Variants in CCDC85A observed in about 807,000 individuals in gnomAD.
CCDC85A encodes the protein coiled-coil domain containing 85A, also known as coiled-coil domain-containing protein 85A.
A neutral mutation model predicts 50.2 loss-of-function variants in CCDC85A; 38 were observed. That is an observed-to-expected ratio of 0.76 (90% CI 0.58 to 0.99). The LOEUF (loss-of-function observed/expected upper bound fraction) is 0.99. Ranked by LOEUF, CCDC85A falls within the 50% of genes least tolerant of loss-of-function variation. The probability of loss-of-function intolerance (pLI) is 0.00; values close to 1 mark genes in which losing one functional copy is unlikely to be tolerated. For synonymous variants in CCDC85A, 366 were observed against 301.4 expected (o/e 1.21, Z -2.22); for missense variants, 820 against 742.0 (o/e 1.11, Z -1.22).
intron 3 of CCDC85A, among the ~76,000 whole-genome samples, chr2:56,367,941 A>G (rs1205723452): frequency 1.1e-5 from 1 of 94,992 alleles, no homozygotes; most frequent in African/African-American, 3.2e-5. Flanking sequence ...TGAGGAAACT[A>G]AGGCACAGAA....
intron 2 of CCDC85A, among the ~76,000 whole-genome samples, chr2:56,231,625 G>A (rs192950497): frequency 6.6e-6 from 1 of 152,098 alleles, no homozygotes; most frequent in African/African-American, 2.4e-5. Context: ...TTTAACTGTA[G>A]ACCAAGGTTT....
Position 56,192,875 on chromosome 2 carries a change from C to G in CCDC85A, c.675C>G (p.His225Gln). The change falls in exon 2 of 6, where the codon CAC becomes CAG. Residue 225 changes from histidine to glutamine, a missense_variant. By Grantham distance (24) the His-to-Gln change is conservative (BLOSUM62 0). Coordinates refer to ENST00000407595, the MANE Select transcript of CCDC85A (RefSeq NM_001080433.2). The surrounding 1 kb of genome is among the most constrained non-coding windows in gnomAD (Gnocchi z 4.7). ...GCAGCACTGACAGCCCGGACCACCA[C>G]AAGCACCACGCGAGCAGTGGCAGCC... Reference protein sequence around the residue: ...STGSTDSPDHHKHHASSGSPE... With the variant: ...STGSTDSPDHQKHHASSGSPE... 6.2e-7 allele frequency: 1 copy of G among 1,613,146 alleles called. No individual in the cohort carries two copies.
intron 2 of CCDC85A, among the ~76,000 whole-genome samples, chr2:56,221,482 G>T (rs1362386592): frequency 6.6e-6 from 1 of 151,692 alleles, no homozygotes; most frequent in Non-Finnish European, 1.5e-5. Flanking sequence ...GTTGAATTTT[G>T]CTTACTAAGA....
intron 2 of CCDC85A, among the ~76,000 whole-genome samples, chr2:56,255,280 A>G (rs1573110640): frequency 6.6e-6 from 1 of 152,202 alleles, no homozygotes; most frequent in African/African-American, 2.4e-5. Flanking sequence ...AATAAAGCAT[A>G]TCAGTGACTA....
At chr2:56,295,804 C>T (rs1349314800) in intron 2 of CCDC85A, among the ~76,000 whole-genome samples, 1 of 152,182 alleles carries the variant, frequency 6.6e-6, no homozygotes, top group East Asian at 1.9e-4. Flanking sequence ...CTCCCTCCCT[C>T]CCCTATCATA....
intron 3 of CCDC85A, among the ~76,000 whole-genome samples, chr2:56,350,471 ATAAAG>A (rs1426260304): frequency 6.6e-6 from 1 of 152,220 alleles, no homozygotes; most frequent in African/African-American, 2.4e-5. Flanking sequence ...CTGTTTTCTA[ATAAAG>A]TAAGGTAACA....
intron 2 of CCDC85A, among the ~76,000 whole-genome samples, chr2:56,240,338 A>C (rs1325813949): frequency 1.3e-5 from 2 of 152,164 alleles, no homozygotes; most frequent in Non-Finnish European, 2.9e-5. Context: ...CGAGTAACTA[A>C]TGGGAAACCT....
chr2:56,214,575 GT>G (rs200767487), intron 2 of CCDC85A, among the ~76,000 whole-genome samples: 1 of 151,670 alleles, frequency 6.6e-6, no homozygotes. Flanking sequence ...ATAATTGTGT[GT>G]TTTTTTTGGA....
At position 56,292,249 on chromosome 2, in the gene CCDC85A, A is replaced by AT. The variant is rs949057566; in HGVS notation, c.1241-50623dup. On this transcript the variant is annotated intron_variant, in intron 2 of 5. Transcript: ENST00000407595. The stretch of plus-strand genomic sequence containing the variant: ...AGGCAACCACTACCACACCTGGCTA[A>AT]TTTTTTTGTATTTTTAGTAGAGACG... Among the ~76,000 whole-genome samples the AT allele has an allele frequency of 1.3e-4, 20 of 151,714 alleles. 1 individual carries two copies. Among genetic ancestry groups the AT allele is most frequent in the Non-Finnish European group, 2.8e-4 (19 of 67,924 alleles).
At chr2:56,356,266 A>C (rs1010026234) in intron 3 of CCDC85A, among the ~76,000 whole-genome samples, 2 of 152,220 alleles carry the variant, frequency 1.3e-5, no homozygotes, top group African/African-American at 4.8e-5. Context: ...AATATTTCTC[A>C]CAAAGAGTTT....
In CCDC85A at chr2:56,228,642, C is replaced by A. The variant is rs963925238; in HGVS notation, c.1240+35202C>A. ...CTGCCTCCCAGGTTCACATCATTCT[C>A]CTGCCTCAGCCTCCCGAGTAGCTGG... is the stretch of plus-strand genomic sequence containing the variant. On this transcript the variant is annotated intron_variant, in intron 2 of 5. Transcript: ENST00000407595. Among the ~76,000 whole-genome samples the A allele has an allele frequency of 2.0e-5, 3 of 152,210 alleles. No homozygotes were observed. In the South Asian group the frequency reaches 6.2e-4, roughly 32 times the overall value.
chr2:56,281,225 C>G (rs1366633492), intron 2 of CCDC85A, among the ~76,000 whole-genome samples: 1 of 152,148 alleles, frequency 6.6e-6, no homozygotes, highest in Non-Finnish European at 1.5e-5. Context: ...TTTCACTGAA[C>G]ATAATGGTTT....
At chr2:56,273,106 C>CA (rs1038975145) in intron 2 of CCDC85A, among the ~76,000 whole-genome samples, 3 of 151,104 alleles carry the variant, frequency 2.0e-5, no homozygotes, top group South Asian at 2.1e-4. Context: ...AGTATATAGC[C>CA]AAAAAAAATT....
At chr2:56,264,630 T>A (rs1670359294) in intron 2 of CCDC85A, among the ~76,000 whole-genome samples, 1 of 152,240 alleles carries the variant, frequency 6.6e-6, no homozygotes, top group Non-Finnish European at 1.5e-5. Flanking sequence ...TTCTAGTGTC[T>A]AGTCTGCATA....
intron 2 of CCDC85A, among the ~76,000 whole-genome samples, chr2:56,216,132 A>G (rs145402163): frequency 8.9e-4 from 136 of 151,994 alleles, no homozygotes; most frequent in African/African-American, 3.2e-3. Context: ...ATAGTATCCC[A>G]TTGGATGAAT....
At chr2:56,369,964 A>G (rs1401982069) in intron 3 of CCDC85A, among the ~76,000 whole-genome samples, 9 of 152,128 alleles carry the variant, frequency 5.9e-5, no homozygotes. Context: ...ATATTCTTTT[A>G]TGATTTCTGT....
chr2:56,193,333 G>A lies in CCDC85A; in HGVS notation c.1133G>A (p.Ser378Asn), dbSNP rs533959630. 6.8e-6 allele frequency: 11 copies of A among 1,612,432 alleles called. No individual in the cohort carries two copies. In the South Asian group the frequency reaches 8.8e-5, roughly 13 times the overall value. Residue 378 changes from serine (S) to asparagine (N), a missense_variant, in exon 2 of 6, where the codon AGT becomes AAT. Transcript: ENST00000407595. ...CCTGATCACAAACACGGAGGAGGCA[G>A]TGGAGGAAGTGGAGGCAGCGGCGGA... is the stretch of plus-strand genomic sequence containing the variant. ...GSPDHKHGGG[S>N]GGSGGSGGGS...
intron 2 of CCDC85A, among the ~76,000 whole-genome samples, chr2:56,279,511 A>G (rs1558620435): frequency 6.6e-6 from 1 of 152,282 alleles, no homozygotes; most frequent in Non-Finnish European, 1.5e-5. Flanking sequence ...CTATTCTGCA[A>G]TGTAAAAAAT....
chr2:56,375,736 T>G, intron 4 of CCDC85A, 80 bp from the exon 5 acceptor site: 8 of 1,437,506 alleles, frequency 5.6e-6, no homozygotes, highest in Non-Finnish European at 6.7e-6. Flanking sequence ...CATTTGGTAG[T>G]GAAATTGAAT....
Sources: gnomAD v4.1 joint callset for allele counts (sites outside exome capture counted in the v4.1 genomes callset) on GRCh38, gnomAD v4.1.1 for gene constraint, Gnocchi (gnomAD v3.1) non-coding constraint, MANE v1.5 for transcripts, NCBI Gene and HGNC (gene_info 2026-07-23, HGNC 2026-07-21) for gene names.